VAV3: variants seen among roughly 807,000 people sequenced by gnomAD.
The protein encoded by VAV3 is vav guanine nucleotide exchange factor 3, also known as guanine nucleotide exchange factor VAV3.
VAV3 carries 94 observed loss-of-function variants against 131.2 expected under a neutral mutation model. That is an observed-to-expected ratio of 0.72 (90% CI 0.61 to 0.85). VAV3 has a LOEUF of 0.85. VAV3 is among the 40% of genes least tolerant of loss of function. VAV3 has a pLI of 0.00. For missense variants in VAV3, 939 were observed against 1,002.7 expected (o/e 0.94, Z 0.86); for synonymous variants, 349 against 342.0 (o/e 1.02, Z -0.22).
chr1:107,895,101 A>G (rs1671501669), intron 1 of VAV3, among the ~76,000 whole-genome samples: 1 of 152,094 alleles, frequency 6.6e-6, no homozygotes, highest in Non-Finnish European at 1.5e-5. Flanking sequence ...TTTCTTGTCC[A>G]AGTCAGTTTG....
intron 19 of VAV3, chr1:107,673,710 C>T (rs761293059): frequency 6.6e-5 from 10 of 152,058 alleles, no homozygotes; most frequent in South Asian, 2.1e-4. Context: ...TCAACAAATT[C>T]GCTCAATGAA....
At chr1:107,710,387 A>T (rs1228147972) in intron 15 of VAV3, among the ~76,000 whole-genome samples, 2 of 152,216 alleles carry the variant, frequency 1.3e-5, no homozygotes, top group African/African-American at 4.8e-5. Context: ...GTCTGAATGC[A>T]ACAGGCTTTT....
intron 1 of VAV3, among the ~76,000 whole-genome samples, chr1:107,877,981 C>A (rs533094387): frequency 6.6e-6 from 1 of 152,250 alleles, no homozygotes; most frequent in Non-Finnish European, 1.5e-5. Flanking sequence ...TGCCAGCAGT[C>A]CACTCCAGGA....
In VAV3 at chr1:107,683,493, T is replaced by A. The variant is rs1658790104; in HGVS notation, c.1772A>T (p.Asp591Val). ...AGGTTTAATCAGAAACACACCTGGA[T>A]CCACCTGTTTAGGAGTTCTTCGCAG... is the stretch of plus-strand genomic sequence containing the variant. ...NGLRRTPKQVDPGLPKMQVIR... is the reference protein window; with the variant it reads ...NGLRRTPKQVVPGLPKMQVIR... The change falls in exon 19 of 27, where the codon GAT (aspartate) becomes GTT (valine). Residue 591 changes from aspartate (D) to valine (V), a missense_variant. Transcript: ENST00000370056. 6.2e-7 allele frequency: 1 copy of A among 1,613,936 alleles called. No individual in the cohort carries two copies. Among genetic ancestry groups the A allele is most frequent in the Admixed American group, 1.7e-5 (1 of 60,002 alleles).
intron 20 of VAV3, among the ~76,000 whole-genome samples, chr1:107,619,270 C>T (rs1557708263): frequency 1.3e-5 from 2 of 152,068 alleles, no homozygotes; most frequent in Admixed American, 1.3e-4. Flanking sequence ...AGATAGAAGA[C>T]AGAATTTACA....
chr1:107,796,804 A>ATATAT (rs750759596), intron 2 of VAV3, among the ~76,000 whole-genome samples: 5 of 144,454 alleles, frequency 3.5e-5, no homozygotes, highest in Non-Finnish European at 6.1e-5. Flanking sequence ...AAAAAAAAAA[A>ATATAT]ATATATATAT....
chr1:107,720,975 T>C (rs1661461214), intron 15 of VAV3, among the ~76,000 whole-genome samples: 1 of 152,160 alleles, frequency 6.6e-6, no homozygotes, highest in South Asian at 2.1e-4. Context: ...AGGGCAGAGC[T>C]GATACAAATA....
At position 107,725,187 on chromosome 1, in the gene VAV3, G is replaced by T. The variant is rs1459112291; in HGVS notation, c.1503-20126C>A. Among the ~76,000 whole-genome samples, 4 of 152,188 alleles carry T rather than the reference G, an allele frequency of 2.6e-5. No individual in the cohort carries two copies. In the East Asian group the frequency reaches 7.7e-4, roughly 29 times the overall value. On this transcript the variant is annotated intron_variant, in intron 15 of 26. Coordinates refer to ENST00000370056, the MANE Select transcript of VAV3 (RefSeq NM_006113.5). Reference sequence around the variant, plus strand: ...CTTACAACAGTCAGTTGGGAGTCAGGTGGCTACAATGGCAGCAGGGAGACC... The same window carrying T: ...CTTACAACAGTCAGTTGGGAGTCAGTTGGCTACAATGGCAGCAGGGAGACC...
At chr1:107,613,130 C>G (rs1652881490) in intron 21 of VAV3, among the ~76,000 whole-genome samples, 1 of 152,096 alleles carries the variant, frequency 6.6e-6, no homozygotes, top group Non-Finnish European at 1.5e-5. Flanking sequence ...TTAGCTGGGT[C>G]TAATAATCAA....
chr1:107,668,714 A>G lies in VAV3; in HGVS notation c.1777+14774T>C, dbSNP rs1463516038. 3.0e-6 allele frequency: 3 copies of G among 985,090 alleles called. No individual in the cohort carries two copies. The African/African-American group carries it at 5.2e-5, about 17-fold the overall frequency. The allele number at this position is 985,090 out of a possible 1,614,324, so 61.0% of individuals were successfully genotyped here. A position where few individuals can be genotyped will look rare whatever the true frequency, so the allele number is the denominator to read the frequency against. The stretch of plus-strand genomic sequence containing the variant: ...ATGTTTGGACAGTCTAGAGAGGAGG[A>G]AACTAACAATTCTAAAGAAATTTAC... On this transcript the variant is annotated intron_variant, in intron 19 of 26. Coordinates refer to ENST00000370056, the MANE Select transcript of VAV3 (RefSeq NM_006113.5).
intron 2 of VAV3, among the ~76,000 whole-genome samples, chr1:107,834,700 G>C (rs541268624): frequency 9.2e-5 from 14 of 151,688 alleles, no homozygotes; most frequent in African/African-American, 3.4e-4. Flanking sequence ...ACTTTGAACA[G>C]ATCTTTGGAG....
At position 107,602,426 on chromosome 1, in the gene VAV3, C is replaced by T. The variant is rs759208923; in HGVS notation, c.2191G>A (p.Ala731Thr). ...ILTRDGFFHI[A>T]ENRKFKSLME... is the part of the protein sequence containing the mutation. ...AAACTTTTAAATTTTCTATTTTCTGCAATGTGAAAAAAGCCATCTCTTGTT... is the reference window on the plus strand; with the variant it reads ...AAACTTTTAAATTTTCTATTTTCTGTAATGTGAAAAAAGCCATCTCTTGTT... Residue 731 changes from alanine to threonine, a missense_variant, in exon 24 of 27, where the codon GCA (alanine) becomes ACA (threonine). Transcript: ENST00000370056. 1.9e-6 allele frequency: 3 copies of T among 1,574,448 alleles called. No individual in the cohort carries two copies. Among genetic ancestry groups the T allele is most frequent in the Non-Finnish European group, 2.6e-6 (3 of 1,167,050 alleles).
At chr1:107,960,358 C>G (rs1293970230) in intron 1 of VAV3, among the ~76,000 whole-genome samples, 1 of 151,978 alleles carries the variant, frequency 6.6e-6, no homozygotes, top group Non-Finnish European at 1.5e-5. Context: ...CCCAGCTACT[C>G]TGGAGGCTCA....
intron 15 of VAV3, among the ~76,000 whole-genome samples, chr1:107,723,745 A>G (rs1661658872): frequency 6.6e-6 from 1 of 151,866 alleles, no homozygotes; most frequent in African/African-American, 2.4e-5. Context: ...ACAATCTGAG[A>G]TGATGTCTTC....
chr1:107,620,467 G>A (rs1034247120), intron 20 of VAV3, among the ~76,000 whole-genome samples: 2 of 152,136 alleles, frequency 1.3e-5, no homozygotes, highest in African/African-American at 4.8e-5. Context: ...CTGGCAGCAA[G>A]AGGCTATACA....
chr1:107,730,325 G>A (rs988723515), intron 15 of VAV3, among the ~76,000 whole-genome samples: 2 of 152,102 alleles, frequency 1.3e-5, no homozygotes, highest in African/African-American at 4.8e-5. Context: ...TTTATTTAAC[G>A]ATCATCTGAA....
At chr1:107,617,297 T>C (rs184831541) in intron 21 of VAV3, among the ~76,000 whole-genome samples, 1 of 152,282 alleles carries the variant, frequency 6.6e-6, no homozygotes, top group African/African-American at 2.4e-5. Flanking sequence ...GTCTAATTTG[T>C]AGCTGTGGTT....
In VAV3 at chr1:107,861,763, T is replaced by C. The variant is rs571097620; in HGVS notation, c.321+13138A>G. On this transcript the variant is annotated intron_variant, in intron 2 of 26. Coordinates refer to ENST00000370056, the MANE Select transcript of VAV3 (RefSeq NM_006113.5). ...AGAGTGTAAATGATTCAGCACACAA[T>C]CTATAAGGCACCTGCTTACTCAGAA... Among the ~76,000 whole-genome samples the C allele has an allele frequency of 2.6e-5, 4 of 151,670 alleles. No homozygotes were observed. In the South Asian group the frequency reaches 8.4e-4, roughly 32 times the overall value.
At chr1:107,676,969 C>G (rs548501192) in intron 19 of VAV3, among the ~76,000 whole-genome samples, 1 of 152,214 alleles carries the variant, frequency 6.6e-6, no homozygotes, top group South Asian at 2.1e-4. Flanking sequence ...GAGGAACTTC[C>G]ACGTTTCTAA....
Sources: gnomAD v4.1 joint callset for allele counts (sites outside exome capture counted in the v4.1 genomes callset) on GRCh38, gnomAD v4.1.1 for gene constraint, MANE v1.5 for transcripts, NCBI Gene and HGNC (gene_info 2026-07-23, HGNC 2026-07-21) for gene names.